PCDHGB2: variants seen among roughly 807,000 people sequenced by gnomAD.
PCDHGB2 encodes the protein protocadherin gamma-B2.
PCDHGB2 carries 55 observed loss-of-function variants against 59.3 expected under a neutral mutation model. That is an observed-to-expected ratio of 0.93 (90% CI 0.75 to 1.16). The LOEUF (loss-of-function observed/expected upper bound fraction) is 1.16, where lower values mean the gene tolerates loss of function less well. Ranked by LOEUF, PCDHGB2 falls within the 50% of genes most tolerant of loss-of-function variation. The pLI is 0.00. For missense variants in PCDHGB2, 1,228 were observed against 1,198.5 expected, an observed-to-expected ratio of 1.02 and a Z score of -0.36; for synonymous variants, 516 against 512.0, an observed-to-expected ratio of 1.01 and a Z score of -0.11.
intron 1 of PCDHGB2, chr5:141,374,416 G>T (rs1770482486): frequency 6.2e-7 from 1 of 1,613,830 alleles, no homozygotes; most frequent in Non-Finnish European, 8.5e-7. Flanking sequence ...TCCTTGTCGA[G>T]GATAAACTGA....
intron 1 of PCDHGB2, chr5:141,395,467 C>T (rs2093236177): frequency 1.8e-6 from 1 of 566,628 alleles, no homozygotes; most frequent in Non-Finnish European, 3.0e-6. Context: ...TTTAAGCCTT[C>T]CAGTATTTTA....
In PCDHGB2 at chr5:141,404,489, G is replaced by A. The variant is rs867768935; in HGVS notation, c.2421+41933G>A. 30 of 1,613,796 alleles carry A rather than the reference G, an allele frequency of 1.9e-5. No individual in the cohort carries two copies. The highest frequency in any genetic ancestry group is 1.3e-4 in the African/African-American group (10 of 75,048). On this transcript the variant is annotated intron_variant, in intron 1 of 3. Transcript: ENST00000522605. ...TGTCTCTATTAACTCAGACACTGGT[G>A]TGCTGTATGCTCTGTGCTCCTTTGA...
rs754547223 is a variant in PCDHGB2 at position 141,511,148 on chromosome 5, AGTC to A, written c.2773_2775del (p.Ser925del). The A allele has an allele frequency of 7.4e-6, 12 of 1,614,202 alleles. No individual in the cohort carries two copies. The highest frequency in any genetic ancestry group is 1.0e-5 in the Non-Finnish European group (12 of 1,180,016). ...GCAGGTGGCAATGGCAACAAGAAGA[AGTC>A]GGGCAAGAAGGAGAAGAAGTAACAT... On this transcript the variant is annotated inframe_deletion, in exon 4 of 4. Coordinates refer to ENST00000522605, the MANE Select transcript of PCDHGB2 (RefSeq NM_018923.3).
intron 1 of PCDHGB2, chr5:141,393,180 A>G: frequency 6.2e-7 from 1 of 1,613,356 alleles, no homozygotes; most frequent in South Asian, 1.1e-5. Context: ...AGAAATAGAA[A>G]TAATTGATAT....
In PCDHGB2 at chr5:141,364,445, C is replaced by A. The variant is rs1369788855; in HGVS notation, c.2421+1889C>A. The A allele has an allele frequency of 4.3e-6, 7 of 1,613,802 alleles. No individual in the cohort carries two copies. Among genetic ancestry groups the A allele is most frequent in the Non-Finnish European group, 5.9e-6 (7 of 1,179,850 alleles). The stretch of plus-strand genomic sequence containing the variant: ...GATCCGCTACTCGATGCCGGAGGAG[C>A]TGGACAAAGGCTCCTTCGTCGGCAA... On this transcript the variant is annotated intron_variant, in intron 1 of 3. Transcript: ENST00000522605.
intron 1 of PCDHGB2, among the ~76,000 whole-genome samples, chr5:141,407,257 T>C (rs1325198387): frequency 1.3e-5 from 2 of 152,240 alleles, no homozygotes; most frequent in Non-Finnish European, 2.9e-5. Context: ...CTCATATTTT[T>C]AACCATGCAA....
chr5:141,366,145 C>A, intron 1 of PCDHGB2: 2 of 1,614,192 alleles, frequency 1.2e-6, no homozygotes, highest in Non-Finnish European at 1.7e-6. Context: ...CCTGGCTGTC[C>A]TACCGCCTGC....
chr5:141,411,515 T>A (rs1381474249), intron 1 of PCDHGB2: 1 of 151,910 alleles, frequency 6.6e-6, no homozygotes, highest in East Asian at 1.9e-4. Flanking sequence ...TCCTGGGAGG[T>A]CAAGGTTGCA....
At chr5:141,388,674 G>A in intron 1 of PCDHGB2, 2 of 1,613,940 alleles carry the variant, frequency 1.2e-6, no homozygotes, top group Non-Finnish European at 8.5e-7. Context: ...GGTGCTACAG[G>A]TGACTGCCAC....
chr5:141,510,854 T>A, intron 3 of PCDHGB2, 93 bp from the exon 4 acceptor site: 1 of 1,602,320 alleles, frequency 6.2e-7, no homozygotes, highest in East Asian at 2.2e-5. Context: ...CCCAGGGTGC[T>A]GTATAGGCAT....
chr5:141,394,229 T>C, intron 1 of PCDHGB2: 1 of 1,613,872 alleles, frequency 6.2e-7, no homozygotes, highest in Non-Finnish European at 8.5e-7. Flanking sequence ...CCTCCATCTT[T>C]TCCTTGACTG....
In PCDHGB2 at chr5:141,418,429, A is replaced by G. The variant is rs765952024; in HGVS notation, c.2421+55873A>G. ...AGAAAGACAATCCTGATGGTGGCAAATATCCAGAATTAGTATTGCAGAAGA... is the reference window on the plus strand; with the variant it reads ...AGAAAGACAATCCTGATGGTGGCAAGTATCCAGAATTAGTATTGCAGAAGA... On this transcript the variant is annotated intron_variant, in intron 1 of 3. Transcript: ENST00000522605. 8.7e-6 allele frequency: 14 copies of G among 1,613,972 alleles called. No homozygotes were observed. In the South Asian group the frequency reaches 1.5e-4, roughly 18 times the overall value.
intron 3 of PCDHGB2, chr5:141,507,000 TGA>T (rs1235660361): frequency 1.3e-5 from 2 of 152,218 alleles, no homozygotes; most frequent in African/African-American, 4.8e-5. Flanking sequence ...ACTCGACAGA[TGA>T]GAGAACCGAG....
chr5:141,390,855 A>G (rs941626765), intron 1 of PCDHGB2: 5 of 156,986 alleles, frequency 3.2e-5, no homozygotes, highest in African/African-American at 1.0e-4. Context: ...TATGCAGTGT[A>G]CGCTGTGTGT....
chr5:141,418,753 A>G, intron 1 of PCDHGB2: 2 of 1,613,974 alleles, frequency 1.2e-6, no homozygotes, highest in South Asian at 2.2e-5. Context: ...ATTACACTAC[A>G]GGAAACATTC....
chr5:141,449,944 T>C (rs1375717746), intron 1 of PCDHGB2, among the ~76,000 whole-genome samples: 1 of 151,744 alleles, frequency 6.6e-6, no homozygotes, highest in Non-Finnish European at 1.5e-5. Flanking sequence ...TATATTTTAC[T>C]ATACCTCATA....
rs748660721 is a variant in PCDHGB2 at position 141,485,346 on chromosome 5, G to A, written c.2422-9461G>A. The A allele has an allele frequency of 1.2e-6, 2 of 1,614,178 alleles. No individual in the cohort carries two copies. Among genetic ancestry groups the A allele is most frequent in the South Asian group, 2.2e-5 (2 of 91,088 alleles). ...CAAGATTTCCTGCTGGATACGGACA[G>A]TCTGTCAGCTCGCAGGCTGCAGGTC... On this transcript the variant is annotated intron_variant, in intron 1 of 3. Transcript: ENST00000522605. This position sits in a 1 kb window ranked among gnomAD's most constrained non-coding sequence, Gnocchi z 5.7.
intron 1 of PCDHGB2, among the ~76,000 whole-genome samples, chr5:141,461,733 C>G (rs930217307): frequency 2.0e-5 from 3 of 152,168 alleles, no homozygotes; most frequent in African/African-American, 2.4e-5. Context: ...TGCAGTGGCA[C>G]AATCCCGGCT....
At chr5:141,501,866 C>T (rs1193396289) in intron 2 of PCDHGB2, among the ~76,000 whole-genome samples, 4 of 152,108 alleles carry the variant, frequency 2.6e-5, no homozygotes, top group South Asian at 2.1e-4. Context: ...TTTCCCAGGA[C>T]GCCTCCTTAC....
Sources: allele counts gnomAD v4.1 joint callset (sites outside exome capture counted in the v4.1 genomes callset), GRCh38; gene constraint gnomAD v4.1.1; non-coding constraint Gnocchi (gnomAD v3.1); transcripts MANE v1.5; gene names NCBI Gene and HGNC (gene_info 2026-07-23, HGNC 2026-07-21).